The following SPATA13 variants were observed in gnomAD, a reference collection of about 807,000 sequenced individuals.
SPATA13 encodes spermatogenesis associated 13.
A neutral mutation model predicts 104.0 loss-of-function variants in SPATA13; 50 were observed. The observed-to-expected ratio is 0.48, with a 90% CI of 0.38 to 0.61. The LOEUF (loss-of-function observed/expected upper bound fraction) is 0.61, where lower values mean the gene tolerates loss of function less well. Ranked by LOEUF, SPATA13 falls within the 20% of genes least tolerant of loss-of-function variation. The probability of loss-of-function intolerance (pLI) is 0.00; values close to 1 mark genes in which losing one functional copy is unlikely to be tolerated. For synonymous variants in SPATA13, 606 were observed against 667.5 expected, an observed-to-expected ratio of 0.91 and a Z score of 1.42; for missense variants, 1,524 against 1,690.6, an observed-to-expected ratio of 0.90 and a Z score of 1.73.
intron 3 of SPATA13, among the ~76,000 whole-genome samples, chr13:24,110,873 A>G (rs142349900): frequency 1.3e-5 from 2 of 152,176 alleles, no homozygotes; most frequent in African/African-American, 4.8e-5. Flanking sequence ...TAAAGACTGA[A>G]ATATGTTTGC....
intron 4 of SPATA13, among the ~76,000 whole-genome samples, chr13:24,267,641 A>G (rs1874358846): frequency 6.6e-6 from 1 of 152,272 alleles, no homozygotes; most frequent in South Asian, 2.1e-4. Flanking sequence ...TAGAAAATGA[A>G]AACACTGGAT....
rs144157914 is a variant in SPATA13, at chr13:23,998,927, G to GATTTTTTT, written c.-147+14994_-147+14995insATTTTTTT. 4.1e-5 allele frequency among the ~76,000 whole-genome samples: 6 copies of GATTTTTTT among 145,816 alleles called. 2 individuals are homozygous for GATTTTTTT. Among genetic ancestry groups the GATTTTTTT allele is most frequent in the African/African-American group, 5.1e-5 (2 of 39,334 alleles). ...AATTTTCCATCTTTTCACTAACTTT[G>GATTTTTTT]GTTTTTTTTTTTTTTTGAGATGGAG... On this transcript the variant is annotated intron_variant, in intron 2 of 14. Coordinates refer to the SPATA13 transcript ENST00000424834.
chr13:24,189,930 TATATA>T (rs1869494844), intron 1 of SPATA13, among the ~76,000 whole-genome samples: 1 of 58,592 alleles, frequency 1.7e-5, no homozygotes, highest in South Asian at 7.6e-4. Context: ...ATTATATAAT[TATATA>T]ATATATTACA....
At chr13:24,044,701 T>C (rs1031827180) in intron 3 of SPATA13, among the ~76,000 whole-genome samples, 10 of 152,192 alleles carry the variant, frequency 6.6e-5, no homozygotes, top group African/African-American at 2.4e-4. Flanking sequence ...CTTCTAGTTA[T>C]TTTGAAATAT....
At chr13:24,295,588 G>A (rs1352547778) in intron 10 of SPATA13, among the ~76,000 whole-genome samples, 1 of 151,806 alleles carries the variant, frequency 6.6e-6, no homozygotes, top group Non-Finnish European at 1.5e-5. Flanking sequence ...CTCTAGTCTG[G>A]GTGACAGAGC....
intron 3 of SPATA13, among the ~76,000 whole-genome samples, chr13:24,023,514 G>A (rs993849094): frequency 1.3e-5 from 2 of 152,200 alleles, no homozygotes; most frequent in African/African-American, 4.8e-5. Context: ...CCTGGCATTT[G>A]TGAATGTGTT....
chr13:24,275,711 A>G (rs923550866), intron 4 of SPATA13, among the ~76,000 whole-genome samples: 1 of 152,240 alleles, frequency 6.6e-6, no homozygotes, highest in African/African-American at 2.4e-5. Flanking sequence ...AGGCAGGTGG[A>G]TCACCTGAGG....
intron 2 of SPATA13, among the ~76,000 whole-genome samples, chr13:24,013,404 C>T (rs1464173737): frequency 6.6e-6 from 1 of 152,214 alleles, no homozygotes; most frequent in African/African-American, 2.4e-5. Context: ...TGTCCCAGCT[C>T]TGGGGCCCAT....
chr13:24,235,444 T>C (rs1193745255), intron 2 of SPATA13, among the ~76,000 whole-genome samples: 1 of 152,188 alleles, frequency 6.6e-6, no homozygotes, highest in Non-Finnish European at 1.5e-5. Flanking sequence ...GTAAAAACTT[T>C]TCAAGCAAGA....
chr13:24,108,614 C>T (rs1201103145), intron 3 of SPATA13, among the ~76,000 whole-genome samples: 5 of 151,776 alleles, frequency 3.3e-5, no homozygotes, highest in African/African-American at 1.2e-4. Context: ...TTGGAAGAAC[C>T]TTCCAGTTTG....
intron 4 of SPATA13, among the ~76,000 whole-genome samples, chr13:24,261,200 C>T (rs991377729): frequency 3.9e-5 from 6 of 152,112 alleles, no homozygotes; most frequent in East Asian, 3.9e-4. Context: ...TCTGTTGCCT[C>T]GGAAAATGAT....
chr13:24,122,373 A>G, intron 3 of SPATA13: 1 of 1,566,396 alleles, frequency 6.4e-7, no homozygotes, highest in East Asian at 2.3e-5. Context: ...GGTTATCTTC[A>G]TCATCAATGA....
At position 24,073,557 on chromosome 13, in the gene SPATA13, G is replaced by A. The variant is rs186698964; in HGVS notation, c.-112+55856G>A. ...CTCACACACAGGTGACATTGGTGCCGGTGGCCATAGCAGCTACTGCCACAT... is the reference window on the plus strand; with the variant it reads ...CTCACACACAGGTGACATTGGTGCCAGTGGCCATAGCAGCTACTGCCACAT... On this transcript the variant is annotated intron_variant, in intron 3 of 14. Coordinates refer to the SPATA13 transcript ENST00000424834. 1.9e-3 allele frequency among the ~76,000 whole-genome samples: 283 copies of A among 152,290 alleles called. 1 individual carries two copies. The highest frequency in any genetic ancestry group is 6.4e-3 in the African/African-American group (265 of 41,548).
intron 2 of SPATA13, among the ~76,000 whole-genome samples, chr13:24,226,159 A>C (rs1871928191): frequency 6.6e-6 from 1 of 152,198 alleles, no homozygotes; most frequent in Admixed American, 6.5e-5. Flanking sequence ...GAAAGGCATC[A>C]AGGAAGTTCT....
intron 2 of SPATA13, among the ~76,000 whole-genome samples, chr13:24,017,446 C>T (rs2137694821): frequency 6.6e-6 from 1 of 152,236 alleles, no homozygotes; most frequent in East Asian, 1.9e-4. Context: ...TTTCTCCATG[C>T]TCTAAAATTC....
intron 2 of SPATA13, among the ~76,000 whole-genome samples, chr13:24,010,690 C>T (rs1484359930): frequency 6.6e-6 from 1 of 152,050 alleles, no homozygotes; most frequent in Non-Finnish European, 1.5e-5. Flanking sequence ...ATCCTTTCTT[C>T]CTCCCATGAA....
At chr13:24,215,645 T>G (rs1165835022) in intron 1 of SPATA13, among the ~76,000 whole-genome samples, 2 of 152,182 alleles carry the variant, frequency 1.3e-5, no homozygotes, top group African/African-American at 4.8e-5. Flanking sequence ...ACACAGTTAT[T>G]AAGTATGTCT....
At chr13:24,170,440 T>A (rs1262298115) in intron 1 of SPATA13, among the ~76,000 whole-genome samples, 1 of 152,236 alleles carries the variant, frequency 6.6e-6, no homozygotes, top group Admixed American at 6.5e-5. Context: ...ACTACTCATC[T>A]CCTTCAGTTT....
intron 3 of SPATA13, among the ~76,000 whole-genome samples, chr13:24,094,964 G>T (rs911484865): frequency 5.3e-5 from 8 of 152,180 alleles, no homozygotes; most frequent in Non-Finnish European, 1.2e-4. Context: ...GTGGGAATTT[G>T]TAAAATGATG....
Sources: allele counts gnomAD v4.1 joint callset (sites outside exome capture counted in the v4.1 genomes callset), GRCh38; gene constraint gnomAD v4.1.1; transcripts MANE v1.5; gene names NCBI Gene and HGNC (gene_info 2026-07-23, HGNC 2026-07-21).